DMD: variants seen among roughly 807,000 people sequenced by gnomAD.
DMD encodes the protein dystrophin.
DMD carries 63 observed loss-of-function variants against 330.1 expected under a neutral mutation model. The observed-to-expected ratio is 0.19, with a 90% confidence interval of 0.16 to 0.24. The LOEUF (loss-of-function observed/expected upper bound fraction) is 0.24, where lower values mean the gene tolerates loss of function less well. Among genes scored for constraint, DMD ranks in the 10% least tolerant of loss-of-function variants. DMD has a pLI of 1.00. For synonymous variants in DMD, 1,223 were observed against 959.8 expected (o/e 1.27, Z -5.07); for missense variants, 3,344 against 2,684.1 (o/e 1.25, Z -5.43).
At chrX:31,123,971 G>C (rs1021751089) in intron 78 of DMD, among the ~76,000 whole-genome samples, 2 of 111,963 alleles carry the variant, frequency 1.8e-5, no homozygotes, top group Non-Finnish European at 3.8e-5. Context: ...ATATAGCCAA[G>C]TGGTGCTTCT....
At chrX:32,543,406 G>A (rs771746801) in intron 17 of DMD, among the ~76,000 whole-genome samples, 3 of 110,168 alleles carry the variant, frequency 2.7e-5, no homozygotes, top group South Asian at 3.9e-4. Context: ...AGATTGACAT[G>A]AATCAGCTTG....
In DMD at chrX:32,252,819, T is replaced by C. The variant is rs1278019125; in HGVS notation, c.6290+34710A>G. Among the ~76,000 whole-genome samples the C allele has an allele frequency of 8.0e-5, 5 of 62,239 alleles. No individual in the cohort carries two copies. The Admixed American group carries it at 1.1e-3, about 13-fold the overall frequency. The allele number at this position is 62,239 out of a possible 115,157, so 54.0% of individuals were successfully genotyped here. A position where few individuals can be genotyped will look rare whatever the true frequency, so the allele number is the denominator to read the frequency against. On this transcript the variant is annotated intron_variant, in intron 43 of 78. Transcript: ENST00000357033. ...ATATATATATAAATATATATAAGTA[T>C]ATAAATATATATAAATATATATAAA...
chrX:31,516,401 T>C (rs993203133), intron 55 of DMD, among the ~76,000 whole-genome samples: 7 of 109,643 alleles, frequency 6.4e-5, no homozygotes, highest in Non-Finnish European at 1.3e-4. Flanking sequence ...CCACCGGAGG[T>C]TCCTAACCAG....
intron 19 of DMD, among the ~76,000 whole-genome samples, chrX:32,493,395 C>T (rs765738183): frequency 9.0e-6 from 1 of 111,470 alleles, no homozygotes; most frequent in African/African-American, 3.3e-5. Context: ...TAATGAGATA[C>T]AATGGAAATA....
At chrX:32,162,538 G>A (rs1557184862) in intron 44 of DMD, among the ~76,000 whole-genome samples, 2 of 99,978 alleles carry the variant, frequency 2.0e-5, no homozygotes, top group South Asian at 1.0e-3. Context: ...GACAGTTTTT[G>A]TACTGCCTTC....
intron 60 of DMD, among the ~76,000 whole-genome samples, chrX:31,427,495 G>A (rs1219705124): frequency 1.8e-5 from 2 of 111,675 alleles, no homozygotes; most frequent in African/African-American, 6.5e-5. Flanking sequence ...AGAGGGTCTC[G>A]AGACTAATGT....
chrX:31,996,869 C>G (rs1295503308), intron 44 of DMD, among the ~76,000 whole-genome samples: 1 of 111,373 alleles, frequency 9.0e-6, no homozygotes, highest in Non-Finnish European at 1.9e-5. Context: ...AGATCAACAA[C>G]AAGAAACCAC....
At chrX:31,873,791 G>A (rs1227771369) in intron 48 of DMD, among the ~76,000 whole-genome samples, 1 of 111,843 alleles carries the variant, frequency 8.9e-6, no homozygotes, top group African/African-American at 3.3e-5. Flanking sequence ...GACACTAGAA[G>A]AAGGAGATAG....
Position 33,026,523 on chromosome X carries a change from A to C in DMD, c.32-6323T>G. On this transcript the variant is annotated intron_variant, in intron 1 of 78. Transcript: ENST00000357033. ...TATAAAGGAAGGAAACAAATTTAGGACATATTTAGAAAGTGGATTTACTGT... is the reference window on the plus strand; with the variant it reads ...TATAAAGGAAGGAAACAAATTTAGGCCATATTTAGAAAGTGGATTTACTGT... 1.8e-5 allele frequency among the ~76,000 whole-genome samples: 2 copies of C among 109,712 alleles called. 1 individual carries two copies. Among genetic ancestry groups the C allele is most frequent in the Middle Eastern group, 9.5e-3 (2 of 211 alleles).
chrX:31,773,531 T>G (rs997705030), intron 51 of DMD, among the ~76,000 whole-genome samples: 1 of 111,593 alleles, frequency 9.0e-6, no homozygotes, highest in Non-Finnish European at 1.9e-5. Context: ...ACAGACAACT[T>G]AGAAGAGTGG....
intron 62 of DMD, among the ~76,000 whole-genome samples, chrX:31,289,267 A>T (rs1207486741): frequency 7.0e-5 from 6 of 85,370 alleles, no homozygotes; most frequent in African/African-American, 2.2e-4. Context: ...AAAAAAAAAT[A>T]AAAAATAAAA....
At chrX:31,364,308 C>T (rs1258382391) in intron 60 of DMD, among the ~76,000 whole-genome samples, 4 of 112,008 alleles carry the variant, frequency 3.6e-5, no homozygotes, top group African/African-American at 1.3e-4. Flanking sequence ...GGCATGTGAC[C>T]CAATTTGGGC....
intron 7 of DMD, among the ~76,000 whole-genome samples, chrX:32,716,071 C>T (rs907188765): frequency 2.9e-4 from 32 of 111,386 alleles, no homozygotes; most frequent in African/African-American, 8.8e-4. Context: ...AACTTTCTCT[C>T]GTCATATAAT....
chrX:31,858,365 T>C (rs1011023738), intron 48 of DMD, among the ~76,000 whole-genome samples: 2 of 111,472 alleles, frequency 1.8e-5, no homozygotes, highest in African/African-American at 6.5e-5. Context: ...AATTAGGATA[T>C]ATGAAGTATT....
At chrX:32,426,189 A>G (rs2098212006) in intron 29 of DMD, among the ~76,000 whole-genome samples, 1 of 112,072 alleles carries the variant, frequency 8.9e-6, no homozygotes, top group Admixed American at 9.5e-5. Context: ...TCAACAGAGT[A>G]AACAGACAAA....
At chrX:31,562,012 C>T (rs993846717) in intron 55 of DMD, among the ~76,000 whole-genome samples, 3 of 111,902 alleles carry the variant, frequency 2.7e-5, no homozygotes, top group East Asian at 2.8e-4. Context: ...CTCTCCATTC[C>T]TCCTTCATGG....
chrX:31,783,033 G>A (rs2091101517), intron 50 of DMD, among the ~76,000 whole-genome samples: 1 of 111,806 alleles, frequency 8.9e-6, no homozygotes, highest in Non-Finnish European at 1.9e-5. Flanking sequence ...GAAAAAGCCA[G>A]ATGAAACCAT....
At chrX:31,204,252 A>G (rs1197384174) in intron 66 of DMD, 134 bp from the exon 67 acceptor site, 4 of 541,423 alleles carry the variant, frequency 7.4e-6, no homozygotes, top group African/African-American at 2.3e-5. Flanking sequence ...GTTACTTCTA[A>G]TTTGTGCTAA....
intron 63 of DMD, among the ~76,000 whole-genome samples, chrX:31,244,003 T>C (rs904101785): frequency 8.9e-6 from 1 of 112,416 alleles, no homozygotes. Context: ...AGCAAGAACC[T>C]TGAAAAGAAC....
Sources: gnomAD v4.1 joint callset for allele counts (sites outside exome capture counted in the v4.1 genomes callset) on GRCh38, gnomAD v4.1.1 for gene constraint, MANE v1.5 for transcripts, NCBI Gene and HGNC (gene_info 2026-07-23, HGNC 2026-07-21) for gene names.